CDK13: variants seen among roughly 807,000 people sequenced by gnomAD.
CDK13 encodes the protein cyclin dependent kinase 13, also known as cyclin-dependent kinase 13.
In CDK13, 40 loss-of-function variants were observed where a neutral mutation model predicts 137.6. The observed-to-expected ratio is 0.29, with a 90% CI of 0.23 to 0.38. The LOEUF (loss-of-function observed/expected upper bound fraction) is 0.38. Among genes scored for constraint, CDK13 ranks in the 10% least tolerant of loss-of-function variants. The pLI is 1.00. For missense variants in CDK13, 1,704 were observed against 1,951.8 expected (o/e 0.87, Z 2.39); for synonymous variants, 869 against 760.1 (o/e 1.14, Z -2.36).
chr7:39,986,666 A>T (rs193013279), intron 1 of CDK13: 2 of 152,222 alleles, frequency 1.3e-5, no homozygotes, highest in East Asian at 3.9e-4. Context: ...TAACTTTTTT[A>T]CTCTCATTCA....
At chr7:40,042,263 T>C (rs1332694795) in intron 5 of CDK13, among the ~76,000 whole-genome samples, 4 of 151,682 alleles carry the variant, frequency 2.6e-5, no homozygotes, top group African/African-American at 4.8e-5. Flanking sequence ...GTATTTTTAG[T>C]AGAGACGGGG....
In CDK13 at chr7:40,092,784, G is replaced by GT; in HGVS notation, c.3236dup (p.Thr1081AsnfsTer11). On this transcript the variant is annotated frameshift_variant and splice_region_variant. Coordinates refer to ENST00000181839, the MANE Select transcript of CDK13 (RefSeq NM_003718.5). LOFTEE classifies it high-confidence loss of function. ...TCTAATTAATATAATTTTGTCTTTA[G>GT]TAAAAACAGGCCCTGGACAGCACTT... 1 of 1,608,724 alleles carries GT rather than the reference G, an allele frequency of 6.2e-7. No homozygotes were observed. The highest frequency in any genetic ancestry group is 8.5e-7 in the Non-Finnish European group (1 of 1,177,328).
intron 6 of CDK13, among the ~76,000 whole-genome samples, chr7:40,046,470 C>T (rs972195508): frequency 1.3e-5 from 2 of 151,528 alleles, no homozygotes; most frequent in Non-Finnish European, 2.9e-5. Context: ...GTTGATGAAA[C>T]CCTGTCTCTA....
chr7:40,015,055 A>G (rs1177725148), intron 5 of CDK13, among the ~76,000 whole-genome samples: 1 of 152,226 alleles, frequency 6.6e-6, no homozygotes, highest in East Asian at 1.9e-4. Context: ...TGATAGAGGA[A>G]TGTGTTTTAG....
At chr7:39,974,036 C>G (rs1032882966) in intron 1 of CDK13, among the ~76,000 whole-genome samples, 1 of 152,048 alleles carries the variant, frequency 6.6e-6, no homozygotes. Flanking sequence ...CAACTTAGGT[C>G]TTTTTTAAGA....
chr7:40,034,020 T>C (rs1379751259), intron 5 of CDK13, among the ~76,000 whole-genome samples: 1 of 152,200 alleles, frequency 6.6e-6, no homozygotes, highest in Non-Finnish European at 1.5e-5. Flanking sequence ...AGTCAGGCCT[T>C]GTTAAGGACA....
intron 2 of CDK13, among the ~76,000 whole-genome samples, chr7:39,989,423 A>C (rs1318346209): frequency 1.3e-5 from 2 of 151,786 alleles, no homozygotes; most frequent in African/African-American, 2.4e-5. Context: ...ATAGATTTTG[A>C]AGTCAGATGG....
chr7:40,010,405 C>T (rs1360657881), intron 5 of CDK13, among the ~76,000 whole-genome samples: 2 of 152,138 alleles, frequency 1.3e-5, no homozygotes, highest in Non-Finnish European at 2.9e-5. Context: ...GATGGAGGAC[C>T]AGGCGTGGTG....
At chr7:40,082,486 C>CAAAAA (rs70996879) in intron 11 of CDK13, among the ~76,000 whole-genome samples, 1 of 74,792 alleles carries the variant, frequency 1.3e-5, no homozygotes, top group African/African-American at 3.2e-5. Context: ...ACTCCATTTC[C>CAAAAA]AAAAAAAAAA....
chr7:39,959,146 A>G (rs1472434302), intron 1 of CDK13, among the ~76,000 whole-genome samples: 1 of 149,986 alleles, frequency 6.7e-6, no homozygotes, highest in South Asian at 2.1e-4. Context: ...AAGGTTTAAT[A>G]TATTTTCATC....
At position 39,951,045 on chromosome 7, in the gene CDK13, G is replaced by A; in HGVS notation, c.404G>A (p.Ser135Asn). The change falls in exon 1 of 14, where the codon AGT (serine) becomes AAT (asparagine). Residue 135 changes from serine to asparagine, a missense_variant. Physicochemically the swap from Ser to Asn is conservative, Grantham distance 46. This residue lies in a region of CDK13 where 1,051 missense variants were observed against 931.0 expected (regional missense o/e 1.13). Transcript: ENST00000181839. Reference sequence around the variant, plus strand: ...CAGCAGGACGGCGGTGGCGGTGCTAGTAGCGGCGGGGGTGTGACCCCGCTG... The same window carrying A: ...CAGCAGGACGGCGGTGGCGGTGCTAATAGCGGCGGGGGTGTGACCCCGCTG... The part of the protein sequence containing the change: ...QPQQDGGGGA[S>N]SGGGVTPLVE... The A allele has an allele frequency of 4.7e-6, 6 of 1,288,258 alleles. No individual in the cohort carries two copies. Among genetic ancestry groups the A allele is most frequent in the Non-Finnish European group, 5.9e-6 (6 of 1,020,094 alleles). 79.8% of individuals were successfully genotyped at this position (1,288,258 alleles called of 1,614,324 possible).
intron 5 of CDK13, among the ~76,000 whole-genome samples, chr7:40,038,692 T>TA (rs903559378): frequency 1.2e-4 from 18 of 150,532 alleles, no homozygotes; most frequent in African/African-American, 4.0e-4. Context: ...TTTGGGAAAT[T>TA]AATTAATTTA....
chr7:40,024,807 G>A (rs1006905607), intron 5 of CDK13, among the ~76,000 whole-genome samples: 1 of 152,068 alleles, frequency 6.6e-6, no homozygotes, highest in African/African-American at 2.4e-5. Context: ...GGGATTACAC[G>A]TGTGCGCCAG....
At chr7:39,984,023 G>C (rs967701229) in intron 1 of CDK13, 1 of 152,144 alleles carries the variant, frequency 6.6e-6, no homozygotes, top group African/African-American at 2.4e-5. Context: ...TGTTGAATTT[G>C]TGTTTGAGTT....
At chr7:40,009,847 C>T (rs1197472814) in intron 5 of CDK13, among the ~76,000 whole-genome samples, 1 of 152,176 alleles carries the variant, frequency 6.6e-6, no homozygotes, top group South Asian at 2.1e-4. Flanking sequence ...CAGCATTGTA[C>T]TAGAGGTTCT....
intron 9 of CDK13, chr7:40,072,301 A>C (rs1786439214): frequency 1.3e-5 from 2 of 151,996 alleles, no homozygotes. Flanking sequence ...TAATTTTTGT[A>C]TTTTCAGTAG....
At chr7:39,970,466 CT>C (rs556038389) in intron 1 of CDK13, among the ~76,000 whole-genome samples, 53 of 70,248 alleles carry the variant, frequency 7.5e-4, no homozygotes, top group Non-Finnish European at 1.1e-3. Flanking sequence ...CTGTTGTCAT[CT>C]TTTTTTTTTT....
chr7:40,094,491 T>A lies in CDK13; in HGVS notation c.4050T>A (p.Val1350=), dbSNP rs145731229. The change falls in exon 14 of 14, where the codon GTT becomes GTA. Residue 1350 remains valine (V), a synonymous_variant. Transcript: ENST00000181839. The stretch of plus-strand genomic sequence containing the variant: ...CTTCTTTCTCTTCTGCTCCTTATGT[T>A]AGCAATGATGGTCTAGGAAGCAGTT... The part of the protein sequence containing the change: ...GSSSFSSAPY[V]SNDGLGSSSA... 310 of 1,613,628 alleles carry A rather than the reference T, an allele frequency of 1.9e-4. No individual in the cohort carries two copies. The African/African-American group carries it at 3.5e-3, about 18-fold the overall frequency.
At chr7:40,018,282 A>G (rs1785044881) in intron 5 of CDK13, among the ~76,000 whole-genome samples, 2 of 152,142 alleles carry the variant, frequency 1.3e-5, no homozygotes, top group Admixed American at 6.6e-5. Flanking sequence ...GGGATGTAGT[A>G]TAGAACCTGG....
Sources: allele counts gnomAD v4.1 joint callset (sites outside exome capture counted in the v4.1 genomes callset), GRCh38; gene constraint gnomAD v4.1.1; regional missense constraint gnomAD v4.1.1; transcripts MANE v1.5; gene names NCBI Gene and HGNC (gene_info 2026-07-23, HGNC 2026-07-21).